ALDH1A1: variants seen among roughly 807,000 people sequenced by gnomAD.
ALDH1A1 encodes aldehyde dehydrogenase 1A1.
Under a neutral mutation model 62.1 loss-of-function variants are expected in ALDH1A1, and 19 were observed. That is an observed-to-expected ratio of 0.31 (90% CI 0.21 to 0.45). The LOEUF is 0.45. Among genes scored for constraint, ALDH1A1 ranks in the 20% least tolerant of loss-of-function variants. The probability of loss-of-function intolerance (pLI) is 1.00; values close to 1 mark genes in which losing one functional copy is unlikely to be tolerated. For synonymous variants in ALDH1A1, 231 were observed against 215.9 expected (o/e 1.07, Z -0.61); for missense variants, 521 against 607.1 (o/e 0.86, Z 1.49).
intron 1 of ALDH1A1, among the ~76,000 whole-genome samples, chr9:72,948,550 C>T (rs1830501132): frequency 6.6e-6 from 1 of 151,872 alleles, no homozygotes; most frequent in Admixed American, 6.6e-5. Context: ...TTGTTCTTCC[C>T]TACTCTTGGC....
intron 9 of ALDH1A1, among the ~76,000 whole-genome samples, chr9:72,915,279 T>C (rs140621803): frequency 9.5e-4 from 144 of 152,292 alleles, no homozygotes; most frequent in African/African-American, 3.4e-3. Context: ...GCTCAATTTT[T>C]GAGTCTTTGG....
intron 1 of ALDH1A1, among the ~76,000 whole-genome samples, chr9:72,945,629 G>A (rs1830465816): frequency 1.3e-5 from 2 of 151,894 alleles, no homozygotes; most frequent in Non-Finnish European, 2.9e-5. Flanking sequence ...AGTACTAAAG[G>A]CCGCTGGGAG....
intron 3 of ALDH1A1, among the ~76,000 whole-genome samples, chr9:72,930,396 A>G (rs183860750): frequency 4.6e-5 from 7 of 152,332 alleles, no homozygotes; most frequent in Middle Eastern, 3.4e-3. Context: ...TCAGGAAGAA[A>G]AAAAGTAGCC....
chr9:72,946,486 C>T (rs1262954022), intron 1 of ALDH1A1, among the ~76,000 whole-genome samples: 2 of 151,918 alleles, frequency 1.3e-5, no homozygotes, highest in South Asian at 2.1e-4. Context: ...ACTTCACATC[C>T]TTCTCAAGCA....
At position 72,911,539 on chromosome 9, in the gene ALDH1A1, A is replaced by G. The variant is rs117395432; in HGVS notation, c.1200+419T>C. ...CCTCCACTCCCCCAAGCCCCTGGTA[A>G]CCACCATTCCAATCTCTGCTTCTAT... On this transcript the variant is annotated intron_variant, in intron 10 of 12. Coordinates refer to ENST00000297785, the MANE Select transcript of ALDH1A1 (RefSeq NM_000689.5). 6.4e-4 allele frequency among the ~76,000 whole-genome samples: 98 copies of G among 152,264 alleles called. 1 individual carries two copies. In the East Asian group the frequency reaches 0.017, roughly 27 times the overall value.
intron 9 of ALDH1A1, among the ~76,000 whole-genome samples, chr9:72,915,424 T>G (rs577047208): frequency 6.6e-6 from 1 of 151,716 alleles, no homozygotes; most frequent in Admixed American, 6.6e-5. Context: ...AGAAAAGTGC[T>G]TCACTTTTAG....
intron 9 of ALDH1A1, among the ~76,000 whole-genome samples, chr9:72,916,620 A>G (rs1038020076): frequency 4.6e-5 from 7 of 152,164 alleles, no homozygotes; most frequent in Non-Finnish European, 5.9e-5. Flanking sequence ...GTATATAGGA[A>G]TCAAGAGGTG....
chr9:72,919,363 A>G (rs1830106451), intron 7 of ALDH1A1, among the ~76,000 whole-genome samples: 1 of 151,960 alleles, frequency 6.6e-6, no homozygotes, highest in Non-Finnish European at 1.5e-5. Flanking sequence ...CTTGAATCTC[A>G]TCCTTCTTCT....
chr9:72,952,685 T>A (rs1830557436), intron 1 of ALDH1A1, among the ~76,000 whole-genome samples: 1 of 152,006 alleles, frequency 6.6e-6, no homozygotes, highest in Non-Finnish European at 1.5e-5. Context: ...GGTATAAGAA[T>A]CCTTTCACAC....
intron 4 of ALDH1A1, 48 bp from the exon 5 acceptor site, chr9:72,927,225 A>T: frequency 4.4e-6 from 6 of 1,373,374 alleles, no homozygotes; most frequent in Non-Finnish European, 6.1e-6. Flanking sequence ...TGTATTTGAC[A>T]TTCACAAAAT....
At position 72,909,699 on chromosome 9, in the gene ALDH1A1, C is replaced by G; in HGVS notation, c.1261G>C (p.Ala421Pro). 1 of 1,613,686 alleles carries G rather than the reference C, an allele frequency of 6.2e-7. No homozygotes were observed. The highest frequency in any genetic ancestry group is 8.5e-7 in the Non-Finnish European group (1 of 1,179,688). The change falls in exon 11 of 13, where the codon GCA becomes CCA. Residue 421 changes from alanine to proline, a missense_variant. Coordinates refer to ENST00000297785, the MANE Select transcript of ALDH1A1 (RefSeq NM_000689.5). Reference sequence around the variant, plus strand: ...GATAAGCCATAGAAAGTATTGTTTGCTCTTTTGATCACGTCATCTAAAGAT... The same window carrying G: ...GATAAGCCATAGAAAGTATTGTTTGGTCTTTTGATCACGTCATCTAAAGAT... The part of the protein sequence containing the change: ...FKSLDDVIKR[A>P]NNTFYGLSAG...
chr9:72,930,050 T>C (rs1012872466), intron 3 of ALDH1A1, among the ~76,000 whole-genome samples: 1 of 152,216 alleles, frequency 6.6e-6, no homozygotes, highest in African/African-American at 2.4e-5. Context: ...TAACCATACA[T>C]GCTAATGTTG....
At chr9:72,947,540 A>G (rs1830489899) in intron 1 of ALDH1A1, among the ~76,000 whole-genome samples, 1 of 151,938 alleles carries the variant, frequency 6.6e-6, no homozygotes, top group Non-Finnish European at 1.5e-5. Context: ...AGGTGTGAAA[A>G]CAGTTGTTAG....
At chr9:72,927,069 A>G (rs2118536124) in intron 5 of ALDH1A1, 47 bp downstream of exon 5, 2 of 1,367,010 alleles carry the variant, frequency 1.5e-6, no homozygotes. Context: ...AGATAGAATA[A>G]GAACTCTTCT....
chr9:72,929,707 T>A (rs1830255815), intron 3 of ALDH1A1, among the ~76,000 whole-genome samples: 1 of 152,208 alleles, frequency 6.6e-6, no homozygotes, highest in Non-Finnish European at 1.5e-5. Flanking sequence ...GATCTAATAT[T>A]CTGCTGGGGT....
intron 2 of ALDH1A1, among the ~76,000 whole-genome samples, chr9:72,931,366 C>A (rs1053150806): frequency 2.0e-5 from 3 of 152,160 alleles, no homozygotes; most frequent in Non-Finnish European, 4.4e-5. Flanking sequence ...AATTTTATGG[C>A]ACAAATATGT....
chr9:72,914,381 G>T (rs1041721190), intron 9 of ALDH1A1, among the ~76,000 whole-genome samples: 2 of 152,052 alleles, frequency 1.3e-5, no homozygotes, highest in African/African-American at 4.8e-5. Flanking sequence ...GCACTCTGAT[G>T]GATACATTTT....
chr9:72,923,177 T>C (rs1241533385), intron 7 of ALDH1A1, among the ~76,000 whole-genome samples: 1 of 152,156 alleles, frequency 6.6e-6, no homozygotes, highest in Non-Finnish European at 1.5e-5. Context: ...CTTGTGAACC[T>C]TTTTTACAGC....
intron 2 of ALDH1A1, among the ~76,000 whole-genome samples, chr9:72,931,277 T>A (rs1307009436): frequency 6.6e-6 from 1 of 152,236 alleles, no homozygotes; most frequent in Non-Finnish European, 1.5e-5. Flanking sequence ...ATTTTAATAG[T>A]TGCTATCATC....
Sources: gnomAD v4.1 joint callset for allele counts (sites outside exome capture counted in the v4.1 genomes callset) on GRCh38, gnomAD v4.1.1 for gene constraint, MANE v1.5 for transcripts, NCBI Gene and HGNC (gene_info 2026-07-23, HGNC 2026-07-21) for gene names.